The following RIMBP2 variants were observed in gnomAD, a reference collection of about 807,000 sequenced individuals.
RIMBP2 encodes the protein RIMS binding protein 2.
RIMBP2 carries 48 observed loss-of-function variants against 118.6 expected under a neutral mutation model. The observed-to-expected ratio is 0.40, with a 90% CI of 0.32 to 0.51. The LOEUF is 0.51. Ranked by LOEUF, RIMBP2 falls within the 20% of genes least tolerant of loss-of-function variation. The pLI is 0.41. For missense variants in RIMBP2, 1,551 were observed against 1,768.3 expected (o/e 0.88, Z 2.20); for synonymous variants, 762 against 742.9 (o/e 1.03, Z -0.42).
intron 2 of RIMBP2, among the ~76,000 whole-genome samples, chr12:130,597,019 A>G (rs1185354364): frequency 6.6e-6 from 1 of 152,208 alleles, no homozygotes; most frequent in Non-Finnish European, 1.5e-5. Flanking sequence ...TTATTTGTGG[A>G]CAAATTAATA....
At chr12:130,418,886 C>T (rs2076253886) in intron 17 of RIMBP2, among the ~76,000 whole-genome samples, 1 of 152,178 alleles carries the variant, frequency 6.6e-6, no homozygotes, top group Admixed American at 6.5e-5. Context: ...TAGGCAGACA[C>T]CCCAACACAG....
rs1491261269 is a variant in RIMBP2 at position 130,446,019 on chromosome 12, T to TTC, written c.582-751_582-750insGA. Reference sequence around the variant, plus strand: ...GAAAAACAGACGCATGATTTTATGCTCCCCCCCCCCACACCCCCAGGAATA... The same window carrying TTC: ...GAAAAACAGACGCATGATTTTATGCTTCCCCCCCCCCCACACCCCCAGGAATA... On this transcript the variant is annotated intron_variant, in intron 9 of 22. Transcript: ENST00000690449. This position sits in a 1 kb window ranked among gnomAD's most constrained non-coding sequence, Gnocchi z 4.1. Among the ~76,000 whole-genome samples, 1 of 112,732 alleles carries TTC rather than the reference T, an allele frequency of 8.9e-6. No individual in the cohort carries two copies. Among genetic ancestry groups the TTC allele is most frequent in the African/African-American group, 3.3e-5 (1 of 29,940 alleles). 74.0% of individuals were successfully genotyped at this position (112,732 alleles called of 152,430 possible).
intron 3 of RIMBP2, among the ~76,000 whole-genome samples, chr12:130,516,870 C>T (rs1185561152): frequency 6.6e-6 from 1 of 152,116 alleles, no homozygotes; most frequent in Non-Finnish European, 1.5e-5. Flanking sequence ...AGGGAAAAGA[C>T]CACAGGATGA....
chr12:130,666,404 A>G (rs1254453560), intron 1 of RIMBP2, among the ~76,000 whole-genome samples: 1 of 152,194 alleles, frequency 6.6e-6, no homozygotes, highest in Non-Finnish European at 1.5e-5. Flanking sequence ...GGCACCAAGC[A>G]GTATTGTCTT....
intron 6 of RIMBP2, among the ~76,000 whole-genome samples, chr12:130,467,766 T>A (rs1276892269): frequency 6.6e-6 from 1 of 152,188 alleles, no homozygotes; most frequent in African/African-American, 2.4e-5. Context: ...TTATACTTAT[T>A]GATGACTCAC....
intron 5 of RIMBP2, among the ~76,000 whole-genome samples, chr12:130,473,119 C>T (rs2081143070): frequency 6.6e-6 from 1 of 152,206 alleles, no homozygotes; most frequent in South Asian, 2.1e-4. Context: ...GCCAAGCTGG[C>T]AGTACAACTT....
Position 130,456,611 on chromosome 12 carries a change from G to A in RIMBP2, c.243C>T (p.His81=), listed in dbSNP as rs372938466. ...LSRDLEKFRQ[H]AGKIDLLGGS... ...CACCCAGCAGGTCAATCTTGCCAGC[G>A]TGCTGCCGGAACTTCTCCAGGTCCC... Residue 81 remains histidine (H), a synonymous_variant, in exon 7 of 23, where the codon CAC becomes CAT. Transcript: ENST00000690449. 13 of 1,613,580 alleles carry A rather than the reference G, an allele frequency of 8.1e-6. No homozygotes were observed. The highest frequency in any genetic ancestry group is 1.6e-4 in the Middle Eastern group (1 of 6,082).
At position 130,623,372 on chromosome 12, in the gene RIMBP2, C is replaced by A. The variant is rs2140868850; in HGVS notation, c.-217+4950G>T. ...CCTGTCATCTAGGTTTTAAGCCCCA[C>A]AAGTATTAGGTATTTGCCCTAATGC... On this transcript the variant is annotated intron_variant, in intron 2 of 22. Transcript: ENST00000690449. This position sits in a 1 kb window ranked among gnomAD's most constrained non-coding sequence, Gnocchi z 4.1. 6.6e-6 allele frequency among the ~76,000 whole-genome samples: 1 copy of A among 152,276 alleles called. No individual in the cohort carries two copies.
intron 1 of RIMBP2, among the ~76,000 whole-genome samples, chr12:130,696,141 G>A (rs370255758): frequency 4.6e-5 from 7 of 152,182 alleles, no homozygotes; most frequent in South Asian, 2.1e-4. Context: ...CCATGCTCAC[G>A]TCCCAGCCAG....
chr12:130,417,246 C>G (rs1311371991), intron 17 of RIMBP2, among the ~76,000 whole-genome samples: 1 of 152,032 alleles, frequency 6.6e-6, no homozygotes, highest in African/African-American at 2.4e-5. Context: ...GGTATATACC[C>G]AAAGGAAAAG....
At chr12:130,627,744 G>A (rs965378627) in intron 2 of RIMBP2, among the ~76,000 whole-genome samples, 1 of 152,040 alleles carries the variant, frequency 6.6e-6, no homozygotes, top group African/African-American at 2.4e-5. Context: ...TATCACAATG[G>A]CTAGCAGGTC....
chr12:130,545,680 CCGT>C (rs2055064004), intron 2 of RIMBP2, among the ~76,000 whole-genome samples: 1 of 152,010 alleles, frequency 6.6e-6, no homozygotes, highest in Non-Finnish European at 1.5e-5. Flanking sequence ...TTCAGAGCCG[CCGT>C]CGAGTGTCAC....
chr12:130,600,266 A>C (rs1266536363), intron 2 of RIMBP2, among the ~76,000 whole-genome samples: 1 of 152,236 alleles, frequency 6.6e-6, no homozygotes, highest in Non-Finnish European at 1.5e-5. Context: ...ACCAAAATCC[A>C]AAGGGCATCA....
chr12:130,713,651 C>A (rs76051442), intron 1 of RIMBP2, among the ~76,000 whole-genome samples: 2,842 of 152,302 alleles, frequency 0.019, 53 homozygotes, highest in East Asian at 0.092. Flanking sequence ...GGATTCCAAA[C>A]CTTGGGGCAG....
intron 1 of RIMBP2, among the ~76,000 whole-genome samples, chr12:130,663,327 T>A (rs1566437890): frequency 6.6e-6 from 1 of 152,226 alleles, no homozygotes; most frequent in Non-Finnish European, 1.5e-5. Flanking sequence ...GCCAGGCACC[T>A]GTTGACAGAA....
intron 2 of RIMBP2, among the ~76,000 whole-genome samples, chr12:130,564,216 C>T (rs1468499529): frequency 6.6e-6 from 1 of 151,206 alleles, no homozygotes; most frequent in Non-Finnish European, 1.5e-5. Context: ...TGGCTAACTC[C>T]CCCACCCTTC....
Position 130,397,166 on chromosome 12 carries a change from C to T in RIMBP2, c.*195G>A. 2.9e-6 allele frequency: 1 copy of T among 350,180 alleles called. No homozygotes were observed. The highest frequency in any genetic ancestry group is 4.7e-5 in the Admixed American group (1 of 21,118). The allele number at this position is 350,180 out of a possible 1,614,324, so 21.7% of individuals were successfully genotyped here. ...AGCTTGGACAATGAGAGCAGACTGC[C>T]AGCGGTGACAGAGAGCAACCGCTCC... On this transcript the variant is annotated 3_prime_UTR_variant, in exon 23 of 23. Coordinates refer to ENST00000690449, the MANE Select transcript of RIMBP2 (RefSeq NM_001393629.1).
chr12:130,600,765 A>G (rs2059829247), intron 2 of RIMBP2, among the ~76,000 whole-genome samples: 1 of 152,208 alleles, frequency 6.6e-6, no homozygotes, highest in African/African-American at 2.4e-5. Flanking sequence ...TTAGTCTGTA[A>G]GACAGAATGC....
At chr12:130,472,747 C>T (rs890296008) in intron 5 of RIMBP2, among the ~76,000 whole-genome samples, 1 of 152,112 alleles carries the variant, frequency 6.6e-6, no homozygotes, top group Non-Finnish European at 1.5e-5. Flanking sequence ...TCTGCCATTC[C>T]CTGGGCTAAA....
Sources: allele counts gnomAD v4.1 joint callset (sites outside exome capture counted in the v4.1 genomes callset), GRCh38; gene constraint gnomAD v4.1.1; non-coding constraint Gnocchi (gnomAD v3.1); transcripts MANE v1.5; gene names NCBI Gene and HGNC (gene_info 2026-07-23, HGNC 2026-07-21).